PSME3: variants seen among roughly 807,000 people sequenced by gnomAD.
PSME3 encodes the protein proteasome activator subunit 3.
In PSME3, 7 loss-of-function variants were observed where a neutral mutation model predicts 38.3. That is an observed-to-expected ratio of 0.18 (90% CI 0.10 to 0.34). The LOEUF (loss-of-function observed/expected upper bound fraction) is 0.34, where lower values mean the gene tolerates loss of function less well. Ranked by LOEUF, PSME3 falls within the 10% of genes least tolerant of loss-of-function variation. The pLI is 1.00. For synonymous variants in PSME3, 108 were observed against 105.7 expected (o/e 1.02, Z -0.13); for missense variants, 192 against 307.6 (o/e 0.62, Z 2.81).
chr17:42,839,049 T>C, intron 8 of PSME3, 37 bp downstream of exon 8: 1 of 1,607,990 alleles, frequency 6.2e-7, no homozygotes, highest in Non-Finnish European at 8.5e-7. Context: ...CGTTGGGGGC[T>C]GATGAGGTGG....
At position 42,841,656 on chromosome 17, in the gene PSME3, G is replaced by A; in HGVS notation, c.*78G>A. ...CCTTGGTTTGTTACATGACTATCGT[G>A]ATGGGGAAACTGGCTGGAAATAGTA... On this transcript the variant is annotated 3_prime_UTR_variant, in exon 11 of 11. Coordinates refer to ENST00000590720, the MANE Select transcript of PSME3 (RefSeq NM_005789.4). 2.0e-6 allele frequency: 2 copies of A among 979,268 alleles called. No individual in the cohort carries two copies. The highest frequency in any genetic ancestry group is 2.7e-5 in the East Asian group (1 of 36,710). 60.7% of individuals were successfully genotyped at this position (979,268 alleles called of 1,614,324 possible). A position where few individuals can be genotyped will look rare whatever the true frequency, so the allele number is the denominator to read the frequency against.
chr17:42,834,501 TC>T lies in PSME3; in HGVS notation c.76-11del, dbSNP rs780282835. 8.7e-6 allele frequency: 14 copies of T among 1,612,244 alleles called. No individual in the cohort carries two copies. In the South Asian group the frequency reaches 1.5e-4, roughly 18 times the overall value. Reference sequence around the variant, plus strand: ...CACAGATATTAATTCAGCTGTATTTTCCCTCTTCCTTAGGCAGAAGACTTGG... The same window carrying T: ...CACAGATATTAATTCAGCTGTATTTTCCTCTTCCTTAGGCAGAAGACTTGG... On this transcript the variant is annotated splice_polypyrimidine_tract_variant and intron_variant, in intron 2 of 10. Transcript: ENST00000590720.
At chr17:42,839,225 T>C in intron 9 of PSME3, 59 bp downstream of exon 9, 1 of 1,563,318 alleles carries the variant, frequency 6.4e-7, no homozygotes, top group South Asian at 1.1e-5. Context: ...GAGTGACTGT[T>C]ACTGGGAAGG....
At position 42,841,645 on chromosome 17, in the gene PSME3, A is replaced by C. The variant is rs1246042843; in HGVS notation, c.*67A>C. On this transcript the variant is annotated 3_prime_UTR_variant, in exon 11 of 11. Transcript: ENST00000590720. ...GACCGACATTGCCTTGGTTTGTTAC[A>C]TGACTATCGTGATGGGGAAACTGGC... is the stretch of plus-strand genomic sequence containing the variant. 20 of 1,125,692 alleles carry C rather than the reference A, an allele frequency of 1.8e-5. No individual in the cohort carries two copies. The Admixed American group carries it at 5.1e-4, about 29-fold the overall frequency. The allele number at this position is 1,125,692 out of a possible 1,614,324, so 69.7% of individuals were successfully genotyped here. A position where few individuals can be genotyped will look rare whatever the true frequency, so the allele number is the denominator to read the frequency against.
Position 42,833,541 on chromosome 17 carries a change from T to G in PSME3, c.-91T>G. On this transcript the variant is annotated 5_prime_UTR_variant, in exon 1 of 11. Transcript: ENST00000590720. Reference sequence around the variant, plus strand: ...CAGCAAGGGCGGTCGGGTCCCGAGGTCAGCCGAGATTTCTCAGGTCCCTCC... The same window carrying G: ...CAGCAAGGGCGGTCGGGTCCCGAGGGCAGCCGAGATTTCTCAGGTCCCTCC... The G allele has an allele frequency of 6.4e-7, 1 of 1,552,466 alleles. No homozygotes were observed. Among genetic ancestry groups the G allele is most frequent in the Non-Finnish European group, 8.9e-7 (1 of 1,128,254 alleles).
chr17:42,839,222 T>C, intron 9 of PSME3, 56 bp downstream of exon 9: 1 of 1,561,556 alleles, frequency 6.4e-7, no homozygotes, highest in Non-Finnish European at 8.8e-7. Context: ...GAAGAGTGAC[T>C]GTTACTGGGA....
intron 4 of PSME3, among the ~76,000 whole-genome samples, chr17:42,836,460 G>A (rs1227371150): frequency 6.6e-6 from 1 of 152,242 alleles, no homozygotes; most frequent in African/African-American, 2.4e-5. Flanking sequence ...TGCTTTGATT[G>A]GTTCTTTTTT....
At chr17:42,835,212 T>C (rs1009574672) in intron 4 of PSME3, among the ~76,000 whole-genome samples, 1 of 152,028 alleles carries the variant, frequency 6.6e-6, no homozygotes, top group Non-Finnish European at 1.5e-5. Flanking sequence ...GATTTTTGTA[T>C]TTTTTGTAGA....
chr17:42,841,700 T>C lies in PSME3; in HGVS notation c.*122T>C. The C allele has an allele frequency of 1.6e-6, 1 of 609,998 alleles. No homozygotes were observed. The highest frequency in any genetic ancestry group is 3.1e-5 in the East Asian group (1 of 32,732). 37.8% of individuals were successfully genotyped at this position (609,998 alleles called of 1,614,324 possible). On this transcript the variant is annotated 3_prime_UTR_variant, in exon 11 of 11. Transcript: ENST00000590720. The stretch of plus-strand genomic sequence containing the variant: ...AATAGTAATCACACCTCTCTGTTTT[T>C]AGTTAGAGTCTAATGAAACTCTCAT...
rs775328664 is a variant in PSME3 at position 42,842,457 on chromosome 17, C to T, written c.*879C>T. The T allele has an allele frequency of 2.8e-4, 43 of 152,878 alleles. No individual in the cohort carries two copies. The highest frequency in any genetic ancestry group is 5.1e-4 in the Non-Finnish European group (35 of 68,024). The allele number at this position is 152,878 out of a possible 1,614,324, so 9.5% of individuals were successfully genotyped here. A position where few individuals can be genotyped will look rare whatever the true frequency, so the allele number is the denominator to read the frequency against. On this transcript the variant is annotated 3_prime_UTR_variant, in exon 11 of 11. Coordinates refer to ENST00000590720, the MANE Select transcript of PSME3 (RefSeq NM_005789.4). ...GCAGAGGGCTTGGGGAAAGCCTGTT[C>T]CTCTCTGACTCAGCCCTTTTTGGCA...
Position 42,841,737 on chromosome 17 carries a change from A to C in PSME3, c.*159A>C. 5.9e-6 allele frequency: 3 copies of C among 507,394 alleles called. No homozygotes were observed. The highest frequency in any genetic ancestry group is 1.0e-5 in the Non-Finnish European group (3 of 290,976). The allele number at this position is 507,394 out of a possible 1,614,324, so 31.4% of individuals were successfully genotyped here. A position where few individuals can be genotyped will look rare whatever the true frequency, so the allele number is the denominator to read the frequency against. On this transcript the variant is annotated 3_prime_UTR_variant, in exon 11 of 11. Transcript: ENST00000590720. ...AATGAAACTCTCATCTAGTTCTGTG[A>C]TGTGTTTACCTCTTTTTTCAGGCCT...
intron 10 of PSME3, among the ~76,000 whole-genome samples, chr17:42,839,996 CAAAAAAA>C (rs1409768408): frequency 1.5e-5 from 2 of 132,408 alleles, no homozygotes; most frequent in African/African-American, 2.8e-5. Context: ...AACTCCATCT[CAAAAAAA>C]AAATAAAAAT....
intron 5 of PSME3, 24 bp from the exon 6 acceptor site, chr17:42,838,051 CTTCCCTCTTCCCTGATCA>C: frequency 6.2e-7 from 1 of 1,603,204 alleles, no homozygotes; most frequent in Non-Finnish European, 8.5e-7. Flanking sequence ...ATGCTGTGTC[CTTCCCTCTTCCCTGATCA>C]TTTGACCTTC....
chr17:42,839,432 T>C (rs2055504626), intron 10 of PSME3, 52 bp downstream of exon 10: 7 of 1,423,944 alleles, frequency 4.9e-6, no homozygotes, highest in Non-Finnish European at 6.9e-6. Context: ...CTTAGTTCTG[T>C]TGAGAGTATT....
chr17:42,835,551 C>T (rs1378250809), intron 4 of PSME3, among the ~76,000 whole-genome samples: 3 of 152,050 alleles, frequency 2.0e-5, no homozygotes, highest in Admixed American at 2.0e-4. Context: ...CCGTGAAACC[C>T]TGTCTCTACT....
chr17:42,834,222 C>T, intron 1 of PSME3, 122 bp from the exon 2 acceptor site: 1 of 1,573,690 alleles, frequency 6.4e-7, no homozygotes, highest in African/African-American at 1.4e-5. Context: ...TATTTGCAGT[C>T]TGGGGGCCTC....
chr17:42,835,315 G>A (rs529028144), intron 4 of PSME3, among the ~76,000 whole-genome samples: 6 of 152,282 alleles, frequency 3.9e-5, no homozygotes, highest in Admixed American at 6.5e-5. Context: ...GGGATTACAG[G>A]CGTGAGTCAC....
At chr17:42,837,942 A>G (rs949158724) in intron 5 of PSME3, 151 bp from the exon 6 acceptor site, 8 of 899,426 alleles carry the variant, frequency 8.9e-6, no homozygotes, top group Admixed American at 2.4e-5. Flanking sequence ...TTTTCCATAC[A>G]TTCTCGTTGA....
chr17:42,839,240 G>A (rs927724232), intron 9 of PSME3, 54 bp from the exon 10 acceptor site: 38 of 1,573,076 alleles, frequency 2.4e-5, no homozygotes, highest in Non-Finnish European at 3.1e-5. Flanking sequence ...GGAAGGAGCT[G>A]TCTGGAAACA....
Sources: allele counts gnomAD v4.1 joint callset (sites outside exome capture counted in the v4.1 genomes callset), GRCh38; gene constraint gnomAD v4.1.1; transcripts MANE v1.5; gene names NCBI Gene and HGNC (gene_info 2026-07-23, HGNC 2026-07-21).